The following PTCD1 variants were observed in gnomAD, a reference collection of about 807,000 sequenced individuals.
PTCD1 encodes the protein pentatricopeptide repeat domain 1.
In PTCD1, 50 loss-of-function variants were observed where a neutral mutation model predicts 53.4. The observed-to-expected ratio is 0.94, with a 90% confidence interval of 0.75 to 1.19. The LOEUF (loss-of-function observed/expected upper bound fraction) is 1.19. Among genes scored for constraint, PTCD1 ranks in the 50% most tolerant of loss-of-function variants. The pLI is 0.00. For missense variants in PTCD1, 918 were observed against 904.8 expected, an observed-to-expected ratio of 1.01 and a Z score of -0.19; for synonymous variants, 413 against 394.8, an observed-to-expected ratio of 1.05 and a Z score of -0.55.
At chr7:99,422,601 T>C (rs984778025) in intron 7 of PTCD1, among the ~76,000 whole-genome samples, 3 of 152,226 alleles carry the variant, frequency 2.0e-5, no homozygotes, top group Admixed American at 2.0e-4. Flanking sequence ...AAATAATTTC[T>C]TTTCTAACAA....
rs926826679 is a variant in PTCD1 at position 99,418,007 on chromosome 7, G to A, written c.*1960C>T. 14 of 1,157,640 alleles carry A rather than the reference G, an allele frequency of 1.2e-5. No individual in the cohort carries two copies. The African/African-American group carries it at 2.0e-4, about 16-fold the overall frequency. 71.7% of individuals were successfully genotyped at this position (1,157,640 alleles called of 1,614,324 possible). The stretch of plus-strand genomic sequence containing the variant: ...CCCCAAGACGGAGTCTTGCTTTGTC[G>A]CCCAGGCTGGAGTGCAGTGATGCCA... On this transcript the variant is annotated 3_prime_UTR_variant, in exon 8 of 8. Transcript: ENST00000292478.
At chr7:99,431,603 G>A (rs1363555599) in intron 3 of PTCD1, among the ~76,000 whole-genome samples, 2 of 152,092 alleles carry the variant, frequency 1.3e-5, no homozygotes, top group Admixed American at 1.3e-4. Flanking sequence ...GCCAGGCATG[G>A]TGGCATGTGC....
Position 99,425,352 on chromosome 7 carries a change from G to A in PTCD1, c.1180C>T (p.Gln394Ter). The part of the protein sequence containing the change: ...LERQLFLEPS[Q>*]ALGPPEPPEA... ...GGAGGCTCTGGAGGCCCAAGTGCCTGAGAAGGTTCCAGAAACAGCTGCCTC... is the reference window on the plus strand; with the variant it reads ...GGAGGCTCTGGAGGCCCAAGTGCCTAAGAAGGTTCCAGAAACAGCTGCCTC... The change falls in exon 6 of 8, where the codon CAG (glutamine) becomes TAG (stop). Residue 394 changes from glutamine to a stop codon, truncating the protein, a stop_gained. Transcript: ENST00000292478. LOFTEE classifies it high-confidence loss of function. 1.2e-6 allele frequency: 2 copies of A among 1,614,194 alleles called. No homozygotes were observed. Among genetic ancestry groups the A allele is most frequent in the Non-Finnish European group, 1.7e-6 (2 of 1,180,026 alleles).
chr7:99,427,120 G>A (rs1366373823), intron 5 of PTCD1, among the ~76,000 whole-genome samples: 12 of 148,646 alleles, frequency 8.1e-5, no homozygotes, highest in South Asian at 2.1e-4. Flanking sequence ...CGCCCCGTCC[G>A]GGAGGGAGGT....
rs372828862 is a variant in PTCD1, at chr7:99,429,694, T to C, written c.707A>G (p.Gln236Arg). The C allele has an allele frequency of 1.9e-6, 3 of 1,614,084 alleles. No homozygotes were observed. The African/African-American group carries it at 4.0e-5, about 22-fold the overall frequency. The change falls in exon 4 of 8, where the codon CAG becomes CGG. Residue 236 changes from glutamine to arginine, a missense_variant. Coordinates refer to ENST00000292478, the MANE Select transcript of PTCD1 (RefSeq NM_015545.4). ...SALQSALKLRQQLQAKNFELN... is the reference protein window; with the variant it reads ...SALQSALKLRRQLQAKNFELN... ...CTCGAAGTTTTTGGCCTGCAGCTGCTGCCGGAGCTTCAGGGCGCTCTGTAG... is the reference window on the plus strand; with the variant it reads ...CTCGAAGTTTTTGGCCTGCAGCTGCCGCCGGAGCTTCAGGGCGCTCTGTAG...
chr7:99,425,428 C>A lies in PTCD1; in HGVS notation c.1104G>T (p.Gln368His). 6.2e-7 allele frequency: 1 copy of A among 1,614,086 alleles called. No homozygotes were observed. The highest frequency in any genetic ancestry group is 8.5e-7 in the Non-Finnish European group (1 of 1,180,038). The stretch of plus-strand genomic sequence containing the variant: ...CTGACATGAGGTTGCCTGCCTTGGC[C>A]TGGGCTGTCCTCCTTGGCCGCTGCC... ...VSRQRPRRTA[Q>H]AKAGNLMSAM... The change falls in exon 6 of 8, where the codon CAG becomes CAT. Residue 368 changes from glutamine to histidine, a missense_variant. Coordinates refer to ENST00000292478, the MANE Select transcript of PTCD1 (RefSeq NM_015545.4).
Position 99,419,619 on chromosome 7 carries a change from C to G in PTCD1, c.*348G>C, listed in dbSNP as rs537095709. The G allele has an allele frequency of 2.2e-4, 185 of 824,872 alleles. No individual in the cohort carries two copies. Among genetic ancestry groups the G allele is most frequent in the Non-Finnish European group, 3.3e-4 (179 of 536,534 alleles). The allele number at this position is 824,872 out of a possible 1,614,324, so 51.1% of individuals were successfully genotyped here. A position where few individuals can be genotyped will look rare whatever the true frequency, so the allele number is the denominator to read the frequency against. On this transcript the variant is annotated 3_prime_UTR_variant, in exon 8 of 8. Transcript: ENST00000292478. Reference sequence around the variant, plus strand: ...AATAAAATCTTTAAATCTCTCGAGCCCCACGTCTCTTCTTTCAGAGCATCG... The same window carrying G: ...AATAAAATCTTTAAATCTCTCGAGCGCCACGTCTCTTCTTTCAGAGCATCG...
intron 5 of PTCD1, 86 bp from the exon 6 acceptor site, chr7:99,425,702 G>A (rs1795987366): frequency 6.6e-7 from 1 of 1,508,588 alleles, no homozygotes; most frequent in South Asian, 1.2e-5. Flanking sequence ...AGCACCTTGG[G>A]AGTTTTAGAT....
intron 2 of PTCD1, 133 bp from the exon 3 acceptor site, chr7:99,433,551 G>C: frequency 6.4e-7 from 1 of 1,552,798 alleles, no homozygotes; most frequent in South Asian, 1.1e-5. Flanking sequence ...CAAACCCCCT[G>C]GGCCCCCAGC....
chr7:99,421,751 T>A (rs527539698), intron 7 of PTCD1, among the ~76,000 whole-genome samples: 6 of 152,020 alleles, frequency 3.9e-5, no homozygotes, highest in African/African-American at 1.5e-4. Flanking sequence ...TGAGACTCCA[T>A]CTCATAAAAA....
chr7:99,421,123 C>T (rs1795795201), intron 7 of PTCD1, among the ~76,000 whole-genome samples: 1 of 152,072 alleles, frequency 6.6e-6, no homozygotes, highest in Non-Finnish European at 1.5e-5. Flanking sequence ...AGGGTTCCGC[C>T]CCCCAAAAAC....
chr7:99,419,416 G>T lies in PTCD1; in HGVS notation c.*551C>A. 1 of 1,612,958 alleles carries T rather than the reference G, an allele frequency of 6.2e-7. No individual in the cohort carries two copies. Among genetic ancestry groups the T allele is most frequent in the Non-Finnish European group, 8.5e-7 (1 of 1,180,006 alleles). On this transcript the variant is annotated 3_prime_UTR_variant, in exon 8 of 8. Transcript: ENST00000292478. Reference sequence around the variant, plus strand: ...GGCCGCATCATCGAGTGCACACACTGTGGCTGTCGTGGCTGCTCTGGCTGA... The same window carrying T: ...GGCCGCATCATCGAGTGCACACACTTTGGCTGTCGTGGCTGCTCTGGCTGA...
rs1005046760 is a variant in PTCD1 at position 99,417,332 on chromosome 7, T to C, written c.*2635A>G. 3.4e-5 allele frequency: 43 copies of C among 1,252,258 alleles called. No individual in the cohort carries two copies. Among genetic ancestry groups the C allele is most frequent in the Non-Finnish European group, 4.7e-5 (41 of 863,850 alleles). 77.6% of individuals were successfully genotyped at this position (1,252,258 alleles called of 1,614,324 possible). A position where few individuals can be genotyped will look rare whatever the true frequency, so the allele number is the denominator to read the frequency against. On this transcript the variant is annotated 3_prime_UTR_variant, in exon 8 of 8. Transcript: ENST00000292478. The stretch of plus-strand genomic sequence containing the variant: ...CCTCCCAAAGTGCTGGGATTACAGG[T>C]GTGAGCCACTGCACCCGGCCTGAAT...
At chr7:99,434,698 T>C (rs1584467850) in intron 2 of PTCD1, 92 bp downstream of exon 2, 1 of 1,555,964 alleles carries the variant, frequency 6.4e-7, no homozygotes, top group Non-Finnish European at 8.8e-7. Flanking sequence ...GGCCCAAAAC[T>C]TAGAGGCTGG....
At chr7:99,433,122 G>A (rs868055754) in intron 3 of PTCD1, among the ~76,000 whole-genome samples, 156 bp downstream of exon 3, 6 of 152,090 alleles carry the variant, frequency 3.9e-5, no homozygotes, top group Admixed American at 2.6e-4. Context: ...ATGTCATCTC[G>A]TTTATCACCC....
chr7:99,435,266 G>A lies in PTCD1; in HGVS notation c.-24C>T. The A allele has an allele frequency of 6.2e-7, 1 of 1,600,364 alleles. No individual in the cohort carries two copies. The highest frequency in any genetic ancestry group is 1.1e-5 in the South Asian group (1 of 91,086). On this transcript the variant is annotated splice_region_variant and 5_prime_UTR_variant, in exon 2 of 8. Transcript: ENST00000292478. ...ATTTCTGGCTTTCCTGTCCCTCCAG[G>A]GCCTGGAATATATCAGGAAAAATAA...
At chr7:99,429,321 G>T in intron 4 of PTCD1, 117 bp from the exon 5 acceptor site, 1 of 1,358,418 alleles carries the variant, frequency 7.4e-7, no homozygotes, top group Non-Finnish European at 1.0e-6. Context: ...TTGAGGCCAG[G>T]AGTTTTGTGA....
At chr7:99,428,713 C>A (rs1212979045) in intron 5 of PTCD1, among the ~76,000 whole-genome samples, 4 of 152,030 alleles carry the variant, frequency 2.6e-5, no homozygotes, top group Non-Finnish European at 5.9e-5. Flanking sequence ...CCAGCCTGGG[C>A]AAGAGTGAGA....
Position 99,425,340 on chromosome 7 carries a change from G to C in PTCD1, c.1192C>G (p.Pro398Ala). Residue 398 changes from proline (P) to alanine (A), a missense_variant, in exon 6 of 8, where the codon CCT becomes GCT. Pro to Ala is a conservative substitution (Grantham distance 27, BLOSUM62 -1). Coordinates refer to ENST00000292478, the MANE Select transcript of PTCD1 (RefSeq NM_015545.4). The part of the protein sequence containing the change: ...LFLEPSQALG[P>A]PEPPEARVPG... ...ACTCTGGCTTCCGGAGGCTCTGGAGGCCCAAGTGCCTGAGAAGGTTCCAGA... is the reference window on the plus strand; with the variant it reads ...ACTCTGGCTTCCGGAGGCTCTGGAGCCCCAAGTGCCTGAGAAGGTTCCAGA... 6.2e-7 allele frequency: 1 copy of C among 1,614,188 alleles called. No homozygotes were observed. Among genetic ancestry groups the C allele is most frequent in the African/African-American group, 1.3e-5 (1 of 75,062 alleles).
Sources: allele counts gnomAD v4.1 joint callset (sites outside exome capture counted in the v4.1 genomes callset), GRCh38; gene constraint gnomAD v4.1.1; transcripts MANE v1.5; gene names NCBI Gene and HGNC (gene_info 2026-07-23, HGNC 2026-07-21).